PTPRG: variants seen among roughly 807,000 people sequenced by gnomAD.
PTPRG encodes the protein protein tyrosine phosphatase receptor type G.
In PTPRG, 102 loss-of-function variants were observed where a neutral mutation model predicts 165.3. That is an observed-to-expected ratio of 0.62 (90% confidence interval 0.53 to 0.73). PTPRG has a LOEUF of 0.73. PTPRG is among the 30% of genes least tolerant of loss of function. The probability of loss-of-function intolerance (pLI) is 0.00; values close to 1 mark genes in which losing one functional copy is unlikely to be tolerated. For synonymous variants in PTPRG, 675 were observed against 669.5 expected (o/e 1.01, Z -0.13); for missense variants, 1,866 against 1,861.4 (o/e 1.00, Z -0.05).
At chr3:62,013,103 T>A (rs911107487) in intron 4 of PTPRG, among the ~76,000 whole-genome samples, 7 of 152,104 alleles carry the variant, frequency 4.6e-5, no homozygotes, top group Non-Finnish European at 1.0e-4. Context: ...TAATACAACT[T>A]AAACAAGAAT....
At chr3:61,999,751 C>A (rs1225685238) in intron 3 of PTPRG, among the ~76,000 whole-genome samples, 1 of 152,168 alleles carries the variant, frequency 6.6e-6, no homozygotes, top group Non-Finnish European at 1.5e-5. Flanking sequence ...TAGAGACTTA[C>A]TGCTAGAAAT....
At chr3:62,277,924 T>A (rs1483770548) in intron 26 of PTPRG, among the ~76,000 whole-genome samples, 1 of 152,074 alleles carries the variant, frequency 6.6e-6, no homozygotes, top group African/African-American at 2.4e-5. Flanking sequence ...TCTGTGGCGG[T>A]GTGGTAGAAG....
intron 8 of PTPRG, among the ~76,000 whole-genome samples, chr3:62,171,185 A>C (rs1336378551): frequency 1.3e-5 from 2 of 152,178 alleles, no homozygotes; most frequent in African/African-American, 4.8e-5. Flanking sequence ...GCATATGTAG[A>C]TTATTTTCAA....
At chr3:61,836,072 A>AAAT (rs1553679117) in intron 2 of PTPRG, among the ~76,000 whole-genome samples, 3 of 138,588 alleles carry the variant, frequency 2.2e-5, no homozygotes, top group East Asian at 2.6e-4. Flanking sequence ...CAAAAAAAAA[A>AAAT]ATATATATAT....
Position 61,927,777 on chromosome 3 carries a change from A to G in PTPRG, c.191-61848A>G, listed in dbSNP as rs115785410. ...CCTCCTTGAAAGTTGTGTCATTTCT[A>G]TGCTTTATGAATAGGATTATCTTCT... On this transcript the variant is annotated intron_variant, in intron 2 of 29. Coordinates refer to ENST00000474889, the MANE Select transcript of PTPRG (RefSeq NM_002841.4). 1.5e-3 allele frequency among the ~76,000 whole-genome samples: 233 copies of G among 152,300 alleles called. 2 individuals are homozygous for G. The highest frequency in any genetic ancestry group is 4.8e-3 in the African/African-American group (201 of 41,568).
intron 2 of PTPRG, among the ~76,000 whole-genome samples, chr3:61,757,694 A>G (rs944728229): frequency 6.6e-6 from 1 of 152,258 alleles, no homozygotes; most frequent in African/African-American, 2.4e-5. Flanking sequence ...CCTAATATTC[A>G]TTAATGTATA....
chr3:61,719,171 C>A (rs1001635926), intron 1 of PTPRG, among the ~76,000 whole-genome samples: 11 of 152,134 alleles, frequency 7.2e-5, no homozygotes, highest in African/African-American at 2.7e-4. Context: ...TACGATCTTA[C>A]AATGGAGAGA....
intron 9 of PTPRG, among the ~76,000 whole-genome samples, chr3:62,192,762 G>T (rs1408806049): frequency 6.6e-6 from 1 of 152,080 alleles, no homozygotes; most frequent in Non-Finnish European, 1.5e-5. Flanking sequence ...GACACATTTG[G>T]TTTGAAAGCC....
At position 61,788,632 on chromosome 3, in the gene PTPRG, A is replaced by G. The variant is rs1163343731; in HGVS notation, c.190+39650A>G. On this transcript the variant is annotated intron_variant, in intron 2 of 29. Coordinates refer to ENST00000474889, the MANE Select transcript of PTPRG (RefSeq NM_002841.4). ...ATTGTTTCTTTTTCAATGCAAGTTC[A>G]CAGATCACTGGAGTTCTAGCTACAG... Among the ~76,000 whole-genome samples, 3 of 152,244 alleles carry G rather than the reference A, an allele frequency of 2.0e-5. No individual in the cohort carries two copies. The East Asian group carries it at 5.8e-4, about 29-fold the overall frequency.
At chr3:62,054,464 A>G (rs1354500100) in intron 4 of PTPRG, among the ~76,000 whole-genome samples, 1 of 152,176 alleles carries the variant, frequency 6.6e-6, no homozygotes, top group Non-Finnish European at 1.5e-5. Context: ...CTGTTTTCTA[A>G]CACTGGTTGG....
intron 4 of PTPRG, among the ~76,000 whole-genome samples, chr3:62,047,972 T>G (rs945534338): frequency 6.6e-6 from 1 of 152,208 alleles, no homozygotes; most frequent in Non-Finnish European, 1.5e-5. Context: ...CTCATATTTT[T>G]TTAATGTGCA....
chr3:62,034,218 G>A (rs893227095), intron 4 of PTPRG, among the ~76,000 whole-genome samples: 3 of 152,132 alleles, frequency 2.0e-5, no homozygotes, highest in Non-Finnish European at 2.9e-5. Flanking sequence ...CATATACATG[G>A]GTTTTGCATC....
intron 2 of PTPRG, among the ~76,000 whole-genome samples, chr3:61,767,192 C>T (rs978963533): frequency 3.7e-4 from 52 of 140,630 alleles, no homozygotes; most frequent in Admixed American, 1.4e-3. Context: ...TGCAGTGAGC[C>T]GAGATTGCAC....
chr3:62,216,141 G>A (rs745361382), intron 12 of PTPRG, among the ~76,000 whole-genome samples: 2 of 151,746 alleles, frequency 1.3e-5, no homozygotes, highest in Non-Finnish European at 2.9e-5. Context: ...TCGCTTGAGC[G>A]TGGGAGGCGG....
chr3:61,921,211 G>A (rs1007373358), intron 2 of PTPRG, among the ~76,000 whole-genome samples: 1 of 150,548 alleles, frequency 6.6e-6, no homozygotes, highest in African/African-American at 2.5e-5. Flanking sequence ...TTACTATTTA[G>A]CTTTAGGAAA....
At chr3:61,671,494 T>G (rs1161722785) in intron 1 of PTPRG, among the ~76,000 whole-genome samples, 4 of 150,494 alleles carry the variant, frequency 2.7e-5, no homozygotes, top group South Asian at 2.1e-4. Flanking sequence ...GGCAGAAGAA[T>G]TTTTCTTAGT....
At chr3:61,817,119 TATGTATTAC>T (rs2035801201) in intron 2 of PTPRG, among the ~76,000 whole-genome samples, 1 of 132,784 alleles carries the variant, frequency 7.5e-6, no homozygotes, top group African/African-American at 2.8e-5. Context: ...ACATATTACA[TATGTATTAC>T]ACATAATACA....
At chr3:61,940,292 A>G (rs1328014661) in intron 2 of PTPRG, among the ~76,000 whole-genome samples, 2 of 152,024 alleles carry the variant, frequency 1.3e-5, no homozygotes, top group Non-Finnish European at 2.9e-5. Context: ...ACTTTTCTGC[A>G]CCTTCTTTAA....
chr3:62,191,424 G>A (rs182364576), intron 8 of PTPRG, 45 bp from the exon 9 acceptor site: 33 of 1,581,864 alleles, frequency 2.1e-5, no homozygotes, highest in Non-Finnish European at 2.3e-5. Flanking sequence ...ATTGAATGGC[G>A]CATTGTTCTG....
Sources: gnomAD v4.1 joint callset for allele counts (sites outside exome capture counted in the v4.1 genomes callset) on GRCh38, gnomAD v4.1.1 for gene constraint, MANE v1.5 for transcripts, NCBI Gene and HGNC (gene_info 2026-07-23, HGNC 2026-07-21) for gene names.